ZNF34: variants seen among roughly 807,000 people sequenced by gnomAD.
The protein encoded by ZNF34 is zinc finger protein 34, also known as zinc finger protein 34 (KOX 32).
A neutral mutation model predicts 14.4 loss-of-function variants in ZNF34; 8 were observed. That is an observed-to-expected ratio of 0.55 (90% CI 0.33 to 1.00). ZNF34 has a LOEUF of 1.00. Among genes scored for constraint, ZNF34 ranks in the 50% least tolerant of loss-of-function variants. ZNF34 has a pLI of 0.03. For missense variants in ZNF34, 538 were observed against 674.2 expected, an observed-to-expected ratio of 0.80 and a Z score of 2.24; for synonymous variants, 235 against 247.9, an observed-to-expected ratio of 0.95 and a Z score of 0.49.
intron 1 of ZNF34, among the ~76,000 whole-genome samples, chr8:144,780,696 G>A (rs1825813055): frequency 6.6e-6 from 1 of 152,142 alleles, no homozygotes; most frequent in African/African-American, 2.4e-5. Context: ...GGCTGAGGCA[G>A]GAGAATCGCT....
At chr8:144,785,042 G>A (rs2130329103) in intron 1 of ZNF34, among the ~76,000 whole-genome samples, 1 of 149,314 alleles carries the variant, frequency 6.7e-6, no homozygotes. Context: ...GTTTGAGAGT[G>A]GGAGATGGAG....
intron 1 of ZNF34, among the ~76,000 whole-genome samples, chr8:144,782,836 C>T (rs76669794): frequency 0.023 from 872 of 38,004 alleles, 13 homozygotes; most frequent in African/African-American, 0.11. Context: ...GAACCAAAGC[C>T]TATCTCAAAA....
Position 144,773,101 on chromosome 8 carries a change from G to A in ZNF34, c.*165C>T, listed in dbSNP as rs143532699. The A allele has an allele frequency of 1.4e-6, 1 of 737,708 alleles. No homozygotes were observed. Among genetic ancestry groups the A allele is most frequent in the East Asian group, 3.0e-5 (1 of 33,862 alleles). The allele number at this position is 737,708 out of a possible 1,614,324, so 45.7% of individuals were successfully genotyped here. On this transcript the variant is annotated 3_prime_UTR_variant, in exon 6 of 6. Coordinates refer to ENST00000429371, the MANE Select transcript of ZNF34 (RefSeq NM_001286769.2). The surrounding 1 kb of genome is among the most constrained non-coding windows in gnomAD (Gnocchi z 5.4). The stretch of plus-strand genomic sequence containing the variant: ...TTTTCTGTCTCAATTTCTCTAAAAT[G>A]AACATGCACTGCTTTTGATTTAAGA...
Position 144,777,594 on chromosome 8 carries a change from G to T in ZNF34, c.161-17C>A. On this transcript the variant is annotated splice_polypyrimidine_tract_variant and intron_variant, in intron 4 of 5. Transcript: ENST00000429371. This position sits in a 1 kb window ranked among gnomAD's most constrained non-coding sequence, Gnocchi z 4.8. ...GTCCTACTCCTGGGAAGGAGACAGG[G>T]ACTGGGGTTGGTACCAAGGACACAG... The T allele has an allele frequency of 1.3e-6, 2 of 1,550,836 alleles. No homozygotes were observed. Among genetic ancestry groups the T allele is most frequent in the Non-Finnish European group, 1.7e-6 (2 of 1,146,828 alleles).
chr8:144,773,418 C>A lies in ZNF34; in HGVS notation c.1468G>T (p.Ala490Ser). 6.2e-7 allele frequency: 1 copy of A among 1,613,970 alleles called. No individual in the cohort carries two copies. Among genetic ancestry groups the A allele is most frequent in the East Asian group, 2.2e-5 (1 of 44,868 alleles). The change falls in exon 6 of 6, where the codon GCC becomes TCC. Residue 490 changes from alanine (A) to serine (S), a missense_variant. Coordinates refer to ENST00000429371, the MANE Select transcript of ZNF34 (RefSeq NM_001286769.2). This position sits in a 1 kb window ranked among gnomAD's most constrained non-coding sequence, Gnocchi z 5.4. ...ATCAAGTACGTGCTCTGGCTGAAGG[C>A]TTTCTTGCAATCGCTGCATCTGTAG... Reference protein sequence around the residue: ...KPYRCSDCKKAFSQSTYLIQH... With the variant: ...KPYRCSDCKKSFSQSTYLIQH...
chr8:144,774,628 T>C, intron 5 of ZNF34, 23 bp from the exon 6 acceptor site: 1 of 1,592,130 alleles, frequency 6.3e-7, no homozygotes, highest in Non-Finnish European at 8.5e-7. Context: ...ACAGAACATC[T>C]AAGGGTCACC....
intron 2 of ZNF34, among the ~76,000 whole-genome samples, chr8:144,778,904 C>A (rs1825699479): frequency 1.3e-5 from 2 of 152,078 alleles, no homozygotes; most frequent in African/African-American, 4.8e-5. Flanking sequence ...GGTGGAAGAG[C>A]TGAGGCAGGA....
At position 144,772,320 on chromosome 8, in the gene ZNF34, A is replaced by G. The variant is rs1171729697; in HGVS notation, c.*946T>C. Among the ~76,000 whole-genome samples the G allele has an allele frequency of 6.6e-6, 1 of 152,212 alleles. No homozygotes were observed. The highest frequency in any genetic ancestry group is 2.4e-5 in the African/African-American group (1 of 41,446). Reference sequence around the variant, plus strand: ...TACCAGCAGTAGGGAGAAGGGGGAAATGAAGAGTTATTATTTAATAGGTAC... The same window carrying G: ...TACCAGCAGTAGGGAGAAGGGGGAAGTGAAGAGTTATTATTTAATAGGTAC... On this transcript the variant is annotated 3_prime_UTR_variant, in exon 6 of 6. Transcript: ENST00000429371.
rs1375882778 is a variant in ZNF34 at position 144,773,357 on chromosome 8, T to C, written c.1529A>G (p.Tyr510Cys). The change falls in exon 6 of 6, where the codon TAC becomes TGC. Residue 510 changes from tyrosine (Y) to cysteine (C), a missense_variant. Physicochemically the swap from Tyr to Cys is radical, Grantham distance 194. Transcript: ENST00000429371. The surrounding 1 kb of genome is among the most constrained non-coding windows in gnomAD (Gnocchi z 5.4). ...GGCCTTCCCACACTCGCTGCACTTG[T>C]AGGGCTTCTCCCCGGTGTGGATCCT... ...HRRIHTGEKP[Y>C]KCSECGKAFR... The C allele has an allele frequency of 6.2e-7, 1 of 1,614,212 alleles. No individual in the cohort carries two copies. The highest frequency in any genetic ancestry group is 1.3e-5 in the African/African-American group (1 of 75,064).
rs1825350510 is a variant in ZNF34 at position 144,774,192 on chromosome 8, A to G, written c.694T>C (p.Cys232Arg). The G allele has an allele frequency of 6.2e-7, 1 of 1,613,854 alleles. No individual in the cohort carries two copies. Among genetic ancestry groups the G allele is most frequent in the Non-Finnish European group, 8.5e-7 (1 of 1,179,894 alleles). ...KIPTGKKLHY[C>R]SYCGKTFRYS... Reference sequence around the variant, plus strand: ...CTGAATGTTTTCCCACAGTAACTGCAATAATGCAATTTTTTCCCAGTAGGA... The same window carrying G: ...CTGAATGTTTTCCCACAGTAACTGCGATAATGCAATTTTTTCCCAGTAGGA... Residue 232 changes from cysteine (C) to arginine (R), a missense_variant, in exon 6 of 6, where the codon TGC becomes CGC. Physicochemically the swap from Cys to Arg is radical, Grantham distance 180. Coordinates refer to ENST00000429371, the MANE Select transcript of ZNF34 (RefSeq NM_001286769.2).
rs939859556 is a variant in ZNF34, at chr8:144,779,462, C to A, written c.-55+766G>T. On this transcript the variant is annotated intron_variant, in intron 2 of 5. Coordinates refer to ENST00000429371, the MANE Select transcript of ZNF34 (RefSeq NM_001286769.2). The surrounding 1 kb of genome is among the most constrained non-coding windows in gnomAD (Gnocchi z 4.1). ...TAGTGTGGGCTCCCAGAGCTTGGTGCCTTCACAGCCTCCATACTAGCGTTG... is the reference window on the plus strand; with the variant it reads ...TAGTGTGGGCTCCCAGAGCTTGGTGACTTCACAGCCTCCATACTAGCGTTG... Among the ~76,000 whole-genome samples the A allele has an allele frequency of 6.6e-6, 1 of 152,140 alleles. No homozygotes were observed. The highest frequency in any genetic ancestry group is 1.5e-5 in the Non-Finnish European group (1 of 68,028).
intron 1 of ZNF34, among the ~76,000 whole-genome samples, chr8:144,784,387 G>A (rs1826094722): frequency 6.6e-6 from 1 of 150,814 alleles, no homozygotes. Context: ...GTTTTCCATT[G>A]GAAAATAAAA....
chr8:144,786,383 C>G (rs1039908436), intron 1 of ZNF34, among the ~76,000 whole-genome samples: 1 of 151,928 alleles, frequency 6.6e-6, no homozygotes, highest in African/African-American at 2.4e-5. Flanking sequence ...CCTGTATTCC[C>G]AGCACTCTGG....
chr8:144,784,485 C>T (rs1451895415), intron 1 of ZNF34, among the ~76,000 whole-genome samples: 3 of 143,508 alleles, frequency 2.1e-5, no homozygotes. Flanking sequence ...AAAGGTCGGG[C>T]ACGGTGACTC....
rs2130355127 is a variant in ZNF34 at position 144,787,280 on chromosome 8, T to C, written c.-109A>G. The C allele has an allele frequency of 6.6e-6, 1 of 152,636 alleles. No homozygotes were observed. The highest frequency in any genetic ancestry group is 1.9e-4 in the East Asian group (1 of 5,192). The allele number at this position is 152,636 out of a possible 1,614,324, so 9.5% of individuals were successfully genotyped here. On this transcript the variant is annotated splice_region_variant and 5_prime_UTR_variant, in exon 1 of 6. Transcript: ENST00000429371. ...CGCCCCCGCCGGGCTCACACTCACC[T>C]CAGCGCCGCCGAGCAGCACGGCAGC... is the stretch of plus-strand genomic sequence containing the variant.
chr8:144,774,033 G>T lies in ZNF34; in HGVS notation c.853C>A (p.Pro285Thr), dbSNP rs1369513210. 1.2e-6 allele frequency: 2 copies of T among 1,613,874 alleles called. No individual in the cohort carries two copies. The highest frequency in any genetic ancestry group is 1.3e-5 in the African/African-American group (1 of 74,880). The change falls in exon 6 of 6, where the codon CCC becomes ACC. Residue 285 changes from proline to threonine, a missense_variant. Coordinates refer to ENST00000429371, the MANE Select transcript of ZNF34 (RefSeq NM_001286769.2). ...TTCCCACACTCGTCACACCGGTAGG[G>T]AATCTCTCCTGAGTGCATCCTTCGG... is the stretch of plus-strand genomic sequence containing the variant. ...NHRRMHSGEIPYRCDECGKTF... is the reference protein window; with the variant it reads ...NHRRMHSGEITYRCDECGKTF...
chr8:144,784,459 A>G (rs1291863924), intron 1 of ZNF34, among the ~76,000 whole-genome samples: 4 of 26,870 alleles, frequency 1.5e-4, no homozygotes, highest in Admixed American at 1.3e-3. Context: ...CCTAAACATT[A>G]AAAAAAAAAA....
At chr8:144,784,458 TAA>T (rs397891745) in intron 1 of ZNF34, among the ~76,000 whole-genome samples, 156 of 126,190 alleles carry the variant, frequency 1.2e-3, no homozygotes, top group East Asian at 1.2e-3. Context: ...ACCTAAACAT[TAA>T]AAAAAAAAAA....
intron 1 of ZNF34, among the ~76,000 whole-genome samples, chr8:144,783,557 C>A (rs1826032195): frequency 6.6e-6 from 1 of 152,106 alleles, no homozygotes; most frequent in African/African-American, 2.4e-5. Flanking sequence ...ATAATTAATA[C>A]CACTTCTATT....
Sources: gnomAD v4.1 joint callset for allele counts (sites outside exome capture counted in the v4.1 genomes callset) on GRCh38, gnomAD v4.1.1 for gene constraint, Gnocchi (gnomAD v3.1) non-coding constraint, MANE v1.5 for transcripts, NCBI Gene and HGNC (gene_info 2026-07-23, HGNC 2026-07-21) for gene names.